The following CRYBG1 variants were observed in gnomAD, a reference collection of about 807,000 sequenced individuals.
The protein encoded by CRYBG1 is crystallin beta-gamma domain containing 1, also known as beta/gamma crystallin domain-containing protein 1.
Under a neutral mutation model 189.2 loss-of-function variants are expected in CRYBG1, and 139 were observed. The observed-to-expected ratio is 0.73, with a 90% CI of 0.64 to 0.85. The LOEUF is 0.85. CRYBG1 is among the 40% of genes least tolerant of loss of function. The pLI is 0.00. For synonymous variants in CRYBG1, 1,023 were observed against 1,017.1 expected (o/e 1.01, Z -0.11); for missense variants, 2,611 against 2,675.8 (o/e 0.98, Z 0.53).
intron 9 of CRYBG1, 114 bp downstream of exon 9, chr6:106,539,643 A>G: frequency 1.7e-6 from 2 of 1,179,166 alleles, no homozygotes; most frequent in Non-Finnish European, 2.4e-6. Flanking sequence ...AATTTGTAGT[A>G]GATTGGACCT....
intron 2 of CRYBG1, among the ~76,000 whole-genome samples, chr6:106,507,645 G>T (rs1355211138): frequency 3.3e-5 from 5 of 152,306 alleles, no homozygotes; most frequent in African/African-American, 1.2e-4. Flanking sequence ...AACCTAAGAA[G>T]GTCCCTCTCT....
intron 21 of CRYBG1, among the ~76,000 whole-genome samples, chr6:106,567,668 T>C (rs1774930712): frequency 6.8e-6 from 1 of 147,948 alleles, no homozygotes; most frequent in Non-Finnish European, 1.5e-5. Flanking sequence ...TGAAGGGATC[T>C]TTATTCTACA....
chr6:106,548,469 C>T (rs1027101249), intron 13 of CRYBG1, among the ~76,000 whole-genome samples: 11 of 152,212 alleles, frequency 7.2e-5, no homozygotes, highest in African/African-American at 2.7e-4. Context: ...TAGGAAAATA[C>T]AGTACCCATA....
intron 1 of CRYBG1, among the ~76,000 whole-genome samples, chr6:106,363,726 A>G (rs918021250): frequency 2.8e-4 from 42 of 152,314 alleles, no homozygotes; most frequent in African/African-American, 9.6e-4. Flanking sequence ...GAATTTATCT[A>G]CTAGCTTTGT....
intron 2 of CRYBG1, among the ~76,000 whole-genome samples, chr6:106,476,425 T>C (rs1206413840): frequency 6.6e-6 from 1 of 152,182 alleles, no homozygotes; most frequent in Non-Finnish European, 1.5e-5. Context: ...TCTAACATTC[T>C]ATAATTATAT....
chr6:106,546,079 A>G (rs1774261157), intron 13 of CRYBG1, among the ~76,000 whole-genome samples: 1 of 152,188 alleles, frequency 6.6e-6, no homozygotes, highest in Non-Finnish European at 1.5e-5. Context: ...GCCTGAACCA[A>G]TCACTGTAGC....
chr6:106,473,409 G>A lies in CRYBG1; in HGVS notation c.312+21577G>A, dbSNP rs560440981. On this transcript the variant is annotated intron_variant, in intron 2 of 21. Transcript: ENST00000633556. ...AACTCATGTTTAATTTAATGTAGAT[G>A]CAGATAGTTACATATAGAAATATTG... is the stretch of plus-strand genomic sequence containing the variant. Among the ~76,000 whole-genome samples, 633 of 152,262 alleles carry A rather than the reference G, an allele frequency of 4.2e-3. 1 individual carries two copies. The highest frequency in any genetic ancestry group is 7.7e-3 in the Non-Finnish European group (523 of 68,028).
intron 2 of CRYBG1, among the ~76,000 whole-genome samples, chr6:106,467,133 G>T (rs1201831410): frequency 1.3e-5 from 2 of 152,156 alleles, no homozygotes; most frequent in Non-Finnish European, 2.9e-5. Flanking sequence ...GATTTTAGTA[G>T]TTTAGGAAGC....
intron 2 of CRYBG1, among the ~76,000 whole-genome samples, chr6:106,485,879 T>C (rs73511080): frequency 0.12 from 18,459 of 152,202 alleles, 1,313 homozygotes; most frequent in East Asian, 0.27. Context: ...AAATACCTTG[T>C]TGAGAATTTT....
chr6:106,389,033 A>C (rs1217235595), intron 1 of CRYBG1, among the ~76,000 whole-genome samples: 2 of 152,150 alleles, frequency 1.3e-5, no homozygotes, highest in East Asian at 3.8e-4. Flanking sequence ...AGTCTAGTTT[A>C]TGTTTATTTT....
chr6:106,376,540 G>C (rs560340551), intron 1 of CRYBG1, among the ~76,000 whole-genome samples: 1 of 152,174 alleles, frequency 6.6e-6, no homozygotes, highest in South Asian at 2.1e-4. Context: ...TAATGGTTTT[G>C]TTACTTCGCA....
intron 2 of CRYBG1, among the ~76,000 whole-genome samples, chr6:106,510,171 T>C (rs1773216709): frequency 6.6e-6 from 1 of 152,128 alleles, no homozygotes; most frequent in African/African-American, 2.4e-5. Flanking sequence ...AAAAGTTGAT[T>C]CTTAAGAAAT....
intron 1 of CRYBG1, among the ~76,000 whole-genome samples, chr6:106,369,857 A>G (rs1271255632): frequency 6.6e-6 from 1 of 152,224 alleles, no homozygotes; most frequent in Non-Finnish European, 1.5e-5. Context: ...TATTGAGGAA[A>G]AATCAGGCAC....
chr6:106,519,160 A>G lies in CRYBG1; in HGVS notation c.1952A>G (p.Asn651Ser), dbSNP rs749239274. 5.6e-6 allele frequency: 9 copies of G among 1,613,802 alleles called. No homozygotes were observed. Among genetic ancestry groups the G allele is most frequent in the South Asian group, 1.1e-5 (1 of 91,050 alleles). ...LPAKPKHVEL[N>S]LKTPKNLDSL... is the part of the protein sequence containing the mutation. ...GCCAAGCCCAAACATGTGGAACTAA[A>G]TCTTAAAACCCCTAAGAATCTTGAC... The change falls in exon 4 of 22, where the codon AAT (asparagine) becomes AGT (serine). Residue 651 changes from asparagine (N) to serine (S), a missense_variant. Asn to Ser is a conservative substitution (Grantham distance 46, BLOSUM62 1). This residue lies in a region of CRYBG1 where 985 missense variants were observed against 924.4 expected (regional missense o/e 1.07). Coordinates refer to ENST00000633556, the MANE Select transcript of CRYBG1 (RefSeq NM_001371242.2).
At chr6:106,538,892 C>CAAAA (rs56951856) in intron 8 of CRYBG1, among the ~76,000 whole-genome samples, 3,439 of 147,078 alleles carry the variant, frequency 0.023, 60 homozygotes, top group Non-Finnish European at 0.033. Context: ...AAGACTCCGT[C>CAAAA]AAAAAAAAAA....
intron 3 of CRYBG1, among the ~76,000 whole-genome samples, chr6:106,517,345 C>CATATATAT (rs1562098999): frequency 1.2e-5 from 1 of 84,728 alleles, no homozygotes; most frequent in Non-Finnish European, 2.8e-5. Context: ...TATATATACA[C>CATATATAT]ACACATATAT....
intron 1 of CRYBG1, among the ~76,000 whole-genome samples, chr6:106,385,922 C>G (rs923257089): frequency 6.6e-6 from 1 of 152,070 alleles, no homozygotes; most frequent in South Asian, 2.1e-4. Context: ...CAGTGCAGGC[C>G]CATTTGATGA....
chr6:106,527,408 AG>A lies in CRYBG1; in HGVS notation c.4518del (p.Arg1506SerfsTer12). 1 of 1,613,852 alleles carries A rather than the reference AG, an allele frequency of 6.2e-7. No homozygotes were observed. The highest frequency in any genetic ancestry group is 8.5e-7 in the Non-Finnish European group (1 of 1,179,824). ...GLWGIEDILE[R>X]HEEAESDKPV... is the part of the protein sequence containing the mutation. ...CTGGGGTATAGAAGACATTTTGGAA[AG>A]GCACGAAGAAGCAGAGTCTGATAAG... is the stretch of plus-strand genomic sequence containing the variant. On this transcript the variant is annotated frameshift_variant, in exon 7 of 22. Transcript: ENST00000633556. LOFTEE classifies it high-confidence loss of function.
chr6:106,381,020 A>G (rs1375886402), intron 1 of CRYBG1, among the ~76,000 whole-genome samples: 1 of 152,244 alleles, frequency 6.6e-6, no homozygotes, highest in African/African-American at 2.4e-5. Context: ...TTTTAGACAC[A>G]TAACATGAAA....
Sources: gnomAD v4.1 joint callset for allele counts (sites outside exome capture counted in the v4.1 genomes callset) on GRCh38, gnomAD v4.1.1 for gene constraint, gnomAD v4.1.1 regional missense constraint, MANE v1.5 for transcripts, NCBI Gene and HGNC (gene_info 2026-07-23, HGNC 2026-07-21) for gene names.